CALML5: variants seen among roughly 807,000 people sequenced by gnomAD.
CALML5 encodes calmodulin like 5.
For missense variants in CALML5, 207 were observed against 206.6 expected, an observed-to-expected ratio of 1.00 and a Z score of -0.01; for synonymous variants, 101 against 96.8, an observed-to-expected ratio of 1.04 and a Z score of -0.25.
chr10:5,499,447 C>T lies in CALML5; in HGVS notation c.-9G>A, dbSNP rs200048836. 1.8e-4 allele frequency: 285 copies of T among 1,604,582 alleles called. No individual in the cohort carries two copies. Among genetic ancestry groups the T allele is most frequent in the Admixed American group, 1.7e-4 (10 of 59,392 alleles). On this transcript the variant is annotated 5_prime_UTR_variant, in exon 1 of 1. Coordinates refer to ENST00000380332, the MANE Select transcript of CALML5 (RefSeq NM_017422.5). ...GTCAGCTCACCGGCCATGCCTGCGT[C>T]TCCTGCACCTCGCGGAGCCTCCGAG...
rs373670911 is a variant in CALML5, at chr10:5,499,484, C to T, written c.-46G>A. On this transcript the variant is annotated 5_prime_UTR_variant, in exon 1 of 1. Transcript: ENST00000380332. ...GCGGAGCCTCCGAGCTGCTGCCCACCGGCCCTCAACCTGCTGCTCTCAGAG... is the reference window on the plus strand; with the variant it reads ...GCGGAGCCTCCGAGCTGCTGCCCACTGGCCCTCAACCTGCTGCTCTCAGAG... The T allele has an allele frequency of 1.2e-5, 18 of 1,527,108 alleles. No individual in the cohort carries two copies. In the South Asian group the frequency reaches 1.5e-4, roughly 13 times the overall value. The allele number at this position is 1,527,108 out of a possible 1,614,324, so 94.6% of individuals were successfully genotyped here.
Position 5,499,476 on chromosome 10 carries a change from C to CT in CALML5, c.-39dup, listed in dbSNP as rs764326440. 1 of 1,562,134 alleles carries CT rather than the reference C, an allele frequency of 6.4e-7. No individual in the cohort carries two copies. Among genetic ancestry groups the CT allele is most frequent in the Non-Finnish European group, 8.7e-7 (1 of 1,142,996 alleles). Reference sequence around the variant, plus strand: ...TGCACCTCGCGGAGCCTCCGAGCTGCTGCCCACCGGCCCTCAACCTGCTGC... The same window carrying CT: ...TGCACCTCGCGGAGCCTCCGAGCTGCTTGCCCACCGGCCCTCAACCTGCTGC... On this transcript the variant is annotated 5_prime_UTR_variant, in exon 1 of 1. Coordinates refer to ENST00000380332, the MANE Select transcript of CALML5 (RefSeq NM_017422.5).
chr10:5,499,081 C>T lies in CALML5; in HGVS notation c.358G>A (p.Asp120Asn), dbSNP rs1456627790. 6.2e-7 allele frequency: 1 copy of T among 1,600,050 alleles called. No individual in the cohort carries two copies. Among genetic ancestry groups the T allele is most frequent in the African/African-American group, 1.3e-5 (1 of 75,018 alleles). Residue 120 changes from aspartate to asparagine, a missense_variant, in exon 1 of 1, where the codon GAC becomes AAC. Transcript: ENST00000380332. ...ACGTCGGCCTCGCGGATCATGGCGT[C>T]CAGCTCCTCCTGCGGCAGCGGCTGC... is the stretch of plus-strand genomic sequence containing the variant. ...LGQPLPQEEL[D>N]AMIREADVDQ...
rs1833281396 is a variant in CALML5 at position 5,499,394 on chromosome 10, CT to C, written c.44del (p.Lys15ArgfsTer23). 1 of 1,613,998 alleles carries C rather than the reference CT, an allele frequency of 6.2e-7. No individual in the cohort carries two copies. The highest frequency in any genetic ancestry group is 8.5e-7 in the Non-Finnish European group (1 of 1,179,984). ...CATCCGTGTCAACCGCGGAGAAAGC[CT>C]TTTTGTACTGGGCCTCCTCCTCAGG... ...LTPEEEAQYKKAFSAVDTDGN... is the reference protein window; with the variant it reads ...LTPEEEAQYKXAFSAVDTDGN... On this transcript the variant is annotated frameshift_variant, in exon 1 of 1. Transcript: ENST00000380332. LOFTEE classifies it low-confidence loss of function (END_TRUNC).
At position 5,499,001 on chromosome 10, in the gene CALML5, C is replaced by G; in HGVS notation, c.438G>C (p.Glu146Asp). The G allele has an allele frequency of 6.5e-7, 1 of 1,543,280 alleles. No individual in the cohort carries two copies. The highest frequency in any genetic ancestry group is 8.7e-7 in the Non-Finnish European group (1 of 1,146,346). ...YEEFARMLAQ[E>D] ...AGGGGGACACAGGCGGGGAGCCTCACTCCTGGGCGAGCATCCTCGCGAACT... is the reference window on the plus strand; with the variant it reads ...AGGGGGACACAGGCGGGGAGCCTCAGTCCTGGGCGAGCATCCTCGCGAACT... Residue 146 changes from glutamate to aspartate, a missense_variant, in exon 1 of 1, where the codon GAG becomes GAC. Physicochemically the swap from Glu to Asp is conservative, Grantham distance 45. Coordinates refer to ENST00000380332, the MANE Select transcript of CALML5 (RefSeq NM_017422.5).
chr10:5,499,115 C>G lies in CALML5; in HGVS notation c.324G>C (p.Ala108=). The G allele has an allele frequency of 6.2e-7, 1 of 1,601,102 alleles. No homozygotes were observed. Among genetic ancestry groups the G allele is most frequent in the Non-Finnish European group, 8.5e-7 (1 of 1,179,032 alleles). Residue 108 remains alanine, a synonymous_variant, in exon 1 of 1, where the codon GCG becomes GCC. Transcript: ENST00000380332. ...CCTGCGGCAGCGGCTGCCCCAGCCC[C>G]GCCATGGCCCGCCTGAGCTCGTCCA... The part of the protein sequence containing the change: ...ITVDELRRAM[A]GLGQPLPQEE...
chr10:5,498,738 G>A lies in CALML5; in HGVS notation c.*260C>T. 1.8e-6 allele frequency: 1 copy of A among 548,604 alleles called. No individual in the cohort carries two copies. The highest frequency in any genetic ancestry group is 1.9e-5 in the African/African-American group (1 of 51,966). 34.0% of individuals were successfully genotyped at this position (548,604 alleles called of 1,614,324 possible). A position where few individuals can be genotyped will look rare whatever the true frequency, so the allele number is the denominator to read the frequency against. ...TTTATTTAGATCAATGCGGGGCTGA[G>A]GGGCCCTCATTCCACTGCAGGGCAA... On this transcript the variant is annotated 3_prime_UTR_variant, in exon 1 of 1. Coordinates refer to ENST00000380332, the MANE Select transcript of CALML5 (RefSeq NM_017422.5).
In CALML5 at chr10:5,499,458, C is replaced by G. The variant is rs1427482243; in HGVS notation, c.-20G>C. ...GGCCATGCCTGCGTCTCCTGCACCT[C>G]GCGGAGCCTCCGAGCTGCTGCCCAC... On this transcript the variant is annotated 5_prime_UTR_variant, in exon 1 of 1. Transcript: ENST00000380332. 6.3e-7 allele frequency: 1 copy of G among 1,596,122 alleles called. No homozygotes were observed. The highest frequency in any genetic ancestry group is 1.1e-5 in the South Asian group (1 of 89,720).
chr10:5,499,450 C>T lies in CALML5; in HGVS notation c.-12G>A. 6.2e-7 allele frequency: 1 copy of T among 1,604,120 alleles called. No homozygotes were observed. Among genetic ancestry groups the T allele is most frequent in the Non-Finnish European group, 8.5e-7 (1 of 1,172,918 alleles). On this transcript the variant is annotated 5_prime_UTR_variant, in exon 1 of 1. Coordinates refer to ENST00000380332, the MANE Select transcript of CALML5 (RefSeq NM_017422.5). The stretch of plus-strand genomic sequence containing the variant: ...AGCTCACCGGCCATGCCTGCGTCTC[C>T]TGCACCTCGCGGAGCCTCCGAGCTG...
chr10:5,499,127 C>T lies in CALML5; in HGVS notation c.312G>A (p.Arg104=). ...GCTGCCCCAGCCCCGCCATGGCCCG[C>T]CTGAGCTCGTCCACGGTGATGTGGC... ...GDGHITVDEL[R]RAMAGLGQPL... Residue 104 remains arginine (R), a synonymous_variant, in exon 1 of 1, where the codon AGG becomes AGA. Transcript: ENST00000380332. 1.2e-6 allele frequency: 2 copies of T among 1,602,918 alleles called. No homozygotes were observed. The highest frequency in any genetic ancestry group is 1.7e-6 in the Non-Finnish European group (2 of 1,179,360).
rs774550415 is a variant in CALML5 at position 5,499,397 on chromosome 10, T to A, written c.42A>T (p.Lys14Asn). The A allele has an allele frequency of 6.2e-7, 1 of 1,614,104 alleles. No individual in the cohort carries two copies. The highest frequency in any genetic ancestry group is 1.3e-5 in the African/African-American group (1 of 75,042). The change falls in exon 1 of 1, where the codon AAA becomes AAT. Residue 14 changes from lysine to asparagine, a missense_variant. Coordinates refer to ENST00000380332, the MANE Select transcript of CALML5 (RefSeq NM_017422.5). ...CCGTGTCAACCGCGGAGAAAGCCTT[T>A]TTGTACTGGGCCTCCTCCTCAGGAG... ...ELTPEEEAQY[K>N]KAFSAVDTDG...
Position 5,499,030 on chromosome 10 carries a change from C to T in CALML5, c.409G>A (p.Glu137Lys), listed in dbSNP as rs763732090. Residue 137 changes from glutamate (E) to lysine (K), a missense_variant, in exon 1 of 1, where the codon GAG becomes AAG. Physicochemically the swap from Glu to Lys is moderately conservative, Grantham distance 56. Coordinates refer to ENST00000380332, the MANE Select transcript of CALML5 (RefSeq NM_017422.5). The part of the protein sequence containing the change: ...DVDQDGRVNY[E>K]EFARMLAQE ...TGGGCGAGCATCCTCGCGAACTCCT[C>T]GTAGTTCACCCGCCCGTCCTGGTCC... The T allele has an allele frequency of 9.5e-6, 15 of 1,585,644 alleles. No individual in the cohort carries two copies. In the South Asian group the frequency reaches 1.4e-4, roughly 14 times the overall value.
rs1833279169 is a variant in CALML5 at position 5,499,278 on chromosome 10, G to A, written c.161C>T (p.Ser54Phe). Residue 54 changes from serine to phenylalanine, a missense_variant, in exon 1 of 1, where the codon TCC (serine) becomes TTC (phenylalanine). Transcript: ENST00000380332. Reference sequence around the variant, plus strand: ...GCCGTCGCCGTCGCTGTCAACCTCGGAGATGAGTTTCCTTAGCTGGGCCTC... The same window carrying A: ...GCCGTCGCCGTCGCTGTCAACCTCGAAGATGAGTTTCCTTAGCTGGGCCTC... Reference protein sequence around the residue: ...LSEAQLRKLISEVDSDGDGEI... With the variant: ...LSEAQLRKLIFEVDSDGDGEI... 1 of 1,614,020 alleles carries A rather than the reference G, an allele frequency of 6.2e-7. No homozygotes were observed. Among genetic ancestry groups the A allele is most frequent in the Non-Finnish European group, 8.5e-7 (1 of 1,179,968 alleles).
rs1397825063 is a variant in CALML5 at position 5,498,843 on chromosome 10, C to T, written c.*155G>A. On this transcript the variant is annotated 3_prime_UTR_variant, in exon 1 of 1. Transcript: ENST00000380332. ...GGGCTCGCAGGCGGCCCGAGGGCGC[C>T]GCATCCAGGCCCCGGAGCGCAAAGC... The T allele has an allele frequency of 7.2e-6, 5 of 694,660 alleles. No homozygotes were observed. Among genetic ancestry groups the T allele is most frequent in the African/African-American group, 3.6e-5 (2 of 55,396 alleles). The allele number at this position is 694,660 out of a possible 1,614,324, so 43.0% of individuals were successfully genotyped here. A position where few individuals can be genotyped will look rare whatever the true frequency, so the allele number is the denominator to read the frequency against.
In CALML5 at chr10:5,499,114, C is replaced by T; in HGVS notation, c.325G>A (p.Gly109Arg). 1.9e-6 allele frequency: 3 copies of T among 1,601,042 alleles called. No homozygotes were observed. The highest frequency in any genetic ancestry group is 2.5e-6 in the Non-Finnish European group (3 of 1,179,026). Residue 109 changes from glycine to arginine, a missense_variant, in exon 1 of 1, where the codon GGG (glycine) becomes AGG (arginine). Transcript: ENST00000380332. ...TVDELRRAMAGLGQPLPQEEL... is the reference protein window; with the variant it reads ...TVDELRRAMARLGQPLPQEEL... ...TCCTGCGGCAGCGGCTGCCCCAGCC[C>T]CGCCATGGCCCGCCTGAGCTCGTCC...
At position 5,499,365 on chromosome 10, in the gene CALML5, T is replaced by C; in HGVS notation, c.74A>G (p.Asn25Ser). ...CAGCTCCTGGGCATTGATGGTGCCG[T>C]TTCCATCCGTGTCAACCGCGGAGAA... ...KAFSAVDTDG[N>S]GTINAQELGA... is the part of the protein sequence containing the mutation. The change falls in exon 1 of 1, where the codon AAC (asparagine) becomes AGC (serine). Residue 25 changes from asparagine (N) to serine (S), a missense_variant. Physicochemically the swap from Asn to Ser is conservative, Grantham distance 46. Transcript: ENST00000380332. The C allele has an allele frequency of 1.2e-6, 2 of 1,614,154 alleles. No individual in the cohort carries two copies. Among genetic ancestry groups the C allele is most frequent in the Non-Finnish European group, 1.7e-6 (2 of 1,179,988 alleles).
Position 5,499,529 on chromosome 10 carries a change from G to A in CALML5, c.-91C>T, listed in dbSNP as rs1283048581. 3.6e-6 allele frequency: 4 copies of A among 1,106,944 alleles called. No homozygotes were observed. The highest frequency in any genetic ancestry group is 2.1e-4 in the Middle Eastern group (1 of 4,752). The allele number at this position is 1,106,944 out of a possible 1,614,324, so 68.6% of individuals were successfully genotyped here. ...TCAGAGCTCGTGGTCCAGAGTGCAG[G>A]CAGCCGCAGGGATCCGGGCAGCGTC... On this transcript the variant is annotated 5_prime_UTR_variant, in exon 1 of 1. Coordinates refer to ENST00000380332, the MANE Select transcript of CALML5 (RefSeq NM_017422.5).
chr10:5,498,903 G>T lies in CALML5; in HGVS notation c.*95C>A. 9.1e-7 allele frequency: 1 copy of T among 1,101,552 alleles called. No individual in the cohort carries two copies. The highest frequency in any genetic ancestry group is 1.6e-5 in the African/African-American group (1 of 63,248). The allele number at this position is 1,101,552 out of a possible 1,614,324, so 68.2% of individuals were successfully genotyped here. On this transcript the variant is annotated 3_prime_UTR_variant, in exon 1 of 1. Coordinates refer to ENST00000380332, the MANE Select transcript of CALML5 (RefSeq NM_017422.5). Reference sequence around the variant, plus strand: ...AGGGGGAGGCAGTTTCCCATCCACCGACCAGGTTTCCCCGGAGAGTCCCAG... The same window carrying T: ...AGGGGGAGGCAGTTTCCCATCCACCTACCAGGTTTCCCCGGAGAGTCCCAG...
Position 5,499,216 on chromosome 10 carries a change from T to C in CALML5, c.223A>G (p.Lys75Glu). The C allele has an allele frequency of 6.2e-7, 1 of 1,612,988 alleles. No homozygotes were observed. The highest frequency in any genetic ancestry group is 8.5e-7 in the Non-Finnish European group (1 of 1,179,808). The change falls in exon 1 of 1, where the codon AAG (lysine) becomes GAG (glutamate). Residue 75 changes from lysine to glutamate, a missense_variant. Physicochemically the swap from Lys to Glu is moderately conservative, Grantham distance 56. Transcript: ENST00000380332. Reference protein sequence around the residue: ...SFQEFLTAAKKARAGLEDLQV... With the variant: ...SFQEFLTAAKEARAGLEDLQV... Reference sequence around the variant, plus strand: ...AGGTCCTCCAGGCCGGCCCTGGCCTTCTTCGCCGCCGTCAGGAACTCCTGG... The same window carrying C: ...AGGTCCTCCAGGCCGGCCCTGGCCTCCTTCGCCGCCGTCAGGAACTCCTGG...
Sources: gnomAD v4.1 joint callset for allele counts on GRCh38, gnomAD v4.1.1 for gene constraint, MANE v1.5 for transcripts, NCBI Gene and HGNC (gene_info 2026-07-23, HGNC 2026-07-21) for gene names.